GMDS: variants seen among roughly 807,000 people sequenced by gnomAD.
The protein encoded by GMDS is GDP-mannose 4,6-dehydratase, also known as GDP-mannose 4,6 dehydratase.
Under a neutral mutation model 49.9 loss-of-function variants are expected in GMDS, and 20 were observed. That is an observed-to-expected ratio of 0.40 (90% CI 0.28 to 0.58). The LOEUF (loss-of-function observed/expected upper bound fraction) is 0.58, where lower values mean the gene tolerates loss of function less well. GMDS is among the 20% of genes least tolerant of loss of function. The pLI is 0.42. For synonymous variants in GMDS, 177 were observed against 178.6 expected (o/e 0.99, Z 0.07); for missense variants, 362 against 481.4 (o/e 0.75, Z 2.32).
chr6:2,110,969 T>C (rs1030636659), intron 4 of GMDS, among the ~76,000 whole-genome samples: 1 of 152,232 alleles, frequency 6.6e-6, no homozygotes, highest in African/African-American at 2.4e-5. Context: ...GGAATAACTG[T>C]TGTTTCTTTG....
chr6:1,963,804 T>C (rs1022780289), intron 4 of GMDS, among the ~76,000 whole-genome samples: 2 of 152,188 alleles, frequency 1.3e-5, no homozygotes, highest in Admixed American at 6.5e-5. Flanking sequence ...CCACTTCCCC[T>C]GGCCGTAGTT....
At chr6:2,020,184 T>C (rs1730526838) in intron 4 of GMDS, among the ~76,000 whole-genome samples, 1 of 152,166 alleles carries the variant, frequency 6.6e-6, no homozygotes, top group African/African-American at 2.4e-5. Flanking sequence ...TTCATATTTG[T>C]TCCAAGAAAA....
intron 1 of GMDS, among the ~76,000 whole-genome samples, chr6:2,168,781 T>C (rs1009305243): frequency 6.6e-6 from 1 of 152,184 alleles, no homozygotes; most frequent in African/African-American, 2.4e-5. Context: ...AATACAAGTA[T>C]TGTAAGCAAG....
chr6:1,757,279 C>T (rs1284257068), intron 7 of GMDS, among the ~76,000 whole-genome samples: 1 of 152,204 alleles, frequency 6.6e-6, no homozygotes, highest in Non-Finnish European at 1.5e-5. Flanking sequence ...AATGCTCTAA[C>T]TGGCCCAATA....
chr6:1,678,995 C>G (rs1561721992), intron 9 of GMDS, among the ~76,000 whole-genome samples: 1 of 152,110 alleles, frequency 6.6e-6, no homozygotes, highest in Non-Finnish European at 1.5e-5. Context: ...TAAATGAGTC[C>G]CATTTACTGA....
intron 4 of GMDS, among the ~76,000 whole-genome samples, chr6:2,060,364 C>A (rs954045689): frequency 6.6e-6 from 1 of 152,170 alleles, no homozygotes; most frequent in Non-Finnish European, 1.5e-5. Flanking sequence ...CTTGAATATT[C>A]ATATTTTATT....
At chr6:2,174,430 C>T (rs1778168261) in intron 1 of GMDS, among the ~76,000 whole-genome samples, 1 of 152,062 alleles carries the variant, frequency 6.6e-6, no homozygotes. Context: ...TGCAGAGTAT[C>T]TAAATCAAGG....
chr6:1,807,872 C>A (rs1770247024), intron 7 of GMDS, among the ~76,000 whole-genome samples: 1 of 152,038 alleles, frequency 6.6e-6, no homozygotes, highest in Non-Finnish European at 1.5e-5. Context: ...AAATCACTAA[C>A]CATGAAAAAA....
rs148949123 is a variant in GMDS, at chr6:2,011,789, G to A, written c.346-50823C>T. Among the ~76,000 whole-genome samples the A allele has an allele frequency of 2.3e-3, 349 of 152,260 alleles. 3 individuals are homozygous for A. The highest frequency in any genetic ancestry group is 0.015 in the South Asian group (74 of 4,828). On this transcript the variant is annotated intron_variant, in intron 4 of 10. Coordinates refer to ENST00000380815, the MANE Select transcript of GMDS (RefSeq NM_001500.4). Reference sequence around the variant, plus strand: ...AATTAAAAATTAGCTAAGCGTGGTCGCGCATTACCTATAGTCCTGGCTACG... The same window carrying A: ...AATTAAAAATTAGCTAAGCGTGGTCACGCATTACCTATAGTCCTGGCTACG...
intron 6 of GMDS, among the ~76,000 whole-genome samples, chr6:1,949,551 A>G (rs1763240915): frequency 6.6e-6 from 1 of 152,238 alleles, no homozygotes; most frequent in Admixed American, 6.5e-5. Context: ...GGTAATCAGC[A>G]CCTGCATTAG....
At chr6:1,941,134 G>T (rs1213658934) in intron 6 of GMDS, among the ~76,000 whole-genome samples, 12 of 152,022 alleles carry the variant, frequency 7.9e-5, no homozygotes. Flanking sequence ...AACTATCGGG[G>T]AACTAATAAA....
At chr6:2,184,705 T>G (rs1197637060) in intron 1 of GMDS, among the ~76,000 whole-genome samples, 1 of 152,260 alleles carries the variant, frequency 6.6e-6, no homozygotes, top group East Asian at 1.9e-4. Flanking sequence ...TAAAAAATTT[T>G]CTTTTAAAAA....
intron 4 of GMDS, among the ~76,000 whole-genome samples, chr6:1,980,221 A>T (rs1765141383): frequency 2.0e-5 from 3 of 152,162 alleles, no homozygotes; most frequent in Non-Finnish European, 4.4e-5. Context: ...AATGGGCTAA[A>T]TGCTCCAATT....
chr6:2,035,394 T>C (rs1769240847), intron 4 of GMDS, among the ~76,000 whole-genome samples: 1 of 152,170 alleles, frequency 6.6e-6, no homozygotes, highest in Non-Finnish European at 1.5e-5. Flanking sequence ...ATGAGTCAGC[T>C]CCTCATGATA....
At chr6:1,654,374 G>A (rs1434073496) in intron 9 of GMDS, among the ~76,000 whole-genome samples, 1 of 152,202 alleles carries the variant, frequency 6.6e-6, no homozygotes, top group Non-Finnish European at 1.5e-5. Flanking sequence ...TCCGTTGACA[G>A]ATTAATGAAT....
chr6:2,161,241 C>A (rs1309882271), intron 1 of GMDS, among the ~76,000 whole-genome samples: 5 of 152,116 alleles, frequency 3.3e-5, no homozygotes, highest in Admixed American at 2.6e-4. Flanking sequence ...GATCTCCTGA[C>A]CTTGTGATCC....
intron 7 of GMDS, among the ~76,000 whole-genome samples, chr6:1,923,422 G>T (rs1009947391): frequency 6.6e-6 from 1 of 152,212 alleles, no homozygotes; most frequent in Non-Finnish European, 1.5e-5. Context: ...AGAGAGCACT[G>T]TAACACACCC....
chr6:1,624,430 G>A (rs759645343), intron 10 of GMDS, 42 bp downstream of exon 10: 4 of 1,559,648 alleles, frequency 2.6e-6, no homozygotes, highest in Non-Finnish European at 3.5e-6. Context: ...CCTGCAGCCC[G>A]GGGCCCCGCA....
intron 6 of GMDS, among the ~76,000 whole-genome samples, chr6:1,939,598 CATATACACAT>C (rs141485736): frequency 0.17 from 14,745 of 87,326 alleles, 721 homozygotes; most frequent in South Asian, 0.22. Context: ...CACACACACA[CATATACACAT>C]ACACACACAC....
Sources: allele counts gnomAD v4.1 joint callset (sites outside exome capture counted in the v4.1 genomes callset), GRCh38; gene constraint gnomAD v4.1.1; transcripts MANE v1.5; gene names NCBI Gene and HGNC (gene_info 2026-07-23, HGNC 2026-07-21).